Variants in TBK1 observed in about 807,000 individuals in gnomAD.
TBK1 encodes TANK binding kinase 1, also known as serine/threonine-protein kinase TBK1.
In TBK1, 37 loss-of-function variants were observed where a neutral mutation model predicts 99.9. That is an observed-to-expected ratio of 0.37 (90% confidence interval 0.28 to 0.49). The LOEUF (loss-of-function observed/expected upper bound fraction) is 0.49. TBK1 is among the 20% of genes least tolerant of loss of function. The pLI is 0.98. For missense variants in TBK1, 644 were observed against 872.5 expected (o/e 0.74, Z 3.30); for synonymous variants, 258 against 279.8 (o/e 0.92, Z 0.78).
chr12:64,485,507 G>A lies in TBK1; in HGVS notation c.1242G>A (p.Met414Ile), dbSNP rs768100189. ...PRYDLDGDAS[M>I]AKAITGVVCY... ...ATGATTTAGACGGGGATGCTAGCAT[G>A]GCTAAGGTTAGTATTTAATTTAATT... is the stretch of plus-strand genomic sequence containing the variant. Residue 414 changes from methionine to isoleucine, a missense_variant, in exon 10 of 21, where the codon ATG (methionine) becomes ATA (isoleucine). Transcript: ENST00000331710. The A allele has an allele frequency of 1.3e-6, 2 of 1,537,524 alleles. No homozygotes were observed. Among genetic ancestry groups the A allele is most frequent in the South Asian group, 1.2e-5 (1 of 84,152 alleles).
rs71092972 is a variant in TBK1, at chr12:64,497,621, C to CTT, written c.1960-12_1960-11dup. ...TCTGTGATTAATGTGGGGTTTTTTT[C>CTT]TTTTTTTTTTTTTTTTGATGTTTCA... On this transcript the variant is annotated intron_variant, in intron 18 of 20. Coordinates refer to ENST00000331710, the MANE Select transcript of TBK1 (RefSeq NM_013254.4). The CTT allele has an allele frequency of 0.029, 29,868 of 1,019,222 alleles. 38 individuals carry two copies. Among genetic ancestry groups the CTT allele is most frequent in the Non-Finnish European group, 0.032 (23,381 of 725,450 alleles). The allele number at this position is 1,019,222 out of a possible 1,614,324, so 63.1% of individuals were successfully genotyped here.
chr12:64,457,329 T>A (rs1472873767), intron 2 of TBK1, among the ~76,000 whole-genome samples: 1 of 152,188 alleles, frequency 6.6e-6, no homozygotes, highest in Non-Finnish European at 1.5e-5. Flanking sequence ...TCTAGAATTA[T>A]CCACAAGCTC....
chr12:64,473,592 A>T (rs528607549), intron 5 of TBK1, among the ~76,000 whole-genome samples: 1 of 152,326 alleles, frequency 6.6e-6, no homozygotes, highest in South Asian at 2.1e-4. Flanking sequence ...GGCCATGTAT[A>T]GGTGCAGTTC....
intron 5 of TBK1, among the ~76,000 whole-genome samples, chr12:64,473,520 A>G (rs932649949): frequency 3.3e-5 from 5 of 152,240 alleles, no homozygotes; most frequent in African/African-American, 9.6e-5. Context: ...GATAATTACA[A>G]GAATTGATTT....
chr12:64,490,674 A>G (rs2040860889), intron 13 of TBK1, among the ~76,000 whole-genome samples: 2 of 152,184 alleles, frequency 1.3e-5, no homozygotes, highest in Non-Finnish European at 2.9e-5. Flanking sequence ...GCGGTGGCTC[A>G]TGCCTGTAAT....
rs1041851426 is a variant in TBK1, at chr12:64,495,955, A to G, written c.1720+180A>G. 6 of 553,108 alleles carry G rather than the reference A, an allele frequency of 1.1e-5. No homozygotes were observed. In the African/African-American group the frequency reaches 1.2e-4, roughly 11 times the overall value. 34.3% of individuals were successfully genotyped at this position (553,108 alleles called of 1,614,324 possible). ...AAAAAAAAAAAAAACTATCCTTAAA[A>G]TCAACCTTTTGAATACTTTAAATCA... On this transcript the variant is annotated intron_variant, in intron 15 of 20. Transcript: ENST00000331710.
In TBK1 at chr12:64,485,445, C is replaced by A. The variant is rs1485314188; in HGVS notation, c.1190-10C>A. On this transcript the variant is annotated splice_polypyrimidine_tract_variant and intron_variant, in intron 9 of 20. Coordinates refer to ENST00000331710, the MANE Select transcript of TBK1 (RefSeq NM_013254.4). ...TTTTCTTTCTCATTTTATTTTACTT[C>A]ATATTTCAGTTTCCCTCCCTAAAGT... is the stretch of plus-strand genomic sequence containing the variant. The A allele has an allele frequency of 2.0e-6, 3 of 1,464,732 alleles. No homozygotes were observed. The highest frequency in any genetic ancestry group is 1.9e-5 in the Admixed American group (1 of 52,858). The allele number at this position is 1,464,732 out of a possible 1,614,324, so 90.7% of individuals were successfully genotyped here.
intron 6 of TBK1, among the ~76,000 whole-genome samples, chr12:64,479,440 A>G (rs961415363): frequency 5.3e-5 from 8 of 152,308 alleles, no homozygotes; most frequent in Non-Finnish European, 7.4e-5. Flanking sequence ...GGTTTGTTCT[A>G]TTTTTTAAAA....
At chr12:64,461,569 A>G (rs531679373) in intron 3 of TBK1, among the ~76,000 whole-genome samples, 72 of 152,356 alleles carry the variant, frequency 4.7e-4, no homozygotes, top group African/African-American at 1.7e-3. Context: ...AATAAATTAG[A>G]ATGTGTGGCA....
intron 2 of TBK1, among the ~76,000 whole-genome samples, chr12:64,457,116 G>A (rs912709081): frequency 1.1e-4 from 16 of 152,126 alleles, no homozygotes; most frequent in African/African-American, 3.6e-4. Flanking sequence ...GGCCCTAAAC[G>A]TTTTAGTAGA....
intron 6 of TBK1, 139 bp from the exon 7 acceptor site, chr12:64,479,873 T>C (rs1049943417): frequency 3.8e-5 from 21 of 548,880 alleles, no homozygotes; most frequent in Non-Finnish European, 5.8e-5. Context: ...GATTGTTTTA[T>C]GGATCCTGTG....
At chr12:64,467,137 A>C in intron 5 of TBK1, 55 bp downstream of exon 5, 2 of 1,354,556 alleles carry the variant, frequency 1.5e-6, no homozygotes, top group South Asian at 3.6e-5. Flanking sequence ...TATTGTAATT[A>C]TAATTGGGTA....
At chr12:64,453,668 C>CT (rs2040453936) in intron 1 of TBK1, among the ~76,000 whole-genome samples, 1 of 152,112 alleles carries the variant, frequency 6.6e-6, no homozygotes, top group Non-Finnish European at 1.5e-5. Context: ...CTACTTTTTG[C>CT]TTTAACTTAC....
chr12:64,484,161 C>T, intron 8 of TBK1, 142 bp from the exon 9 acceptor site: 1 of 588,022 alleles, frequency 1.7e-6, no homozygotes, highest in Non-Finnish European at 3.0e-6. Flanking sequence ...TTGTAGTATC[C>T]ACATTAACAA....
At chr12:64,461,087 A>G (rs1030558167) in intron 3 of TBK1, among the ~76,000 whole-genome samples, 1 of 151,944 alleles carries the variant, frequency 6.6e-6, no homozygotes, top group Non-Finnish European at 1.5e-5. Flanking sequence ...CTCAAAAAAA[A>G]AAAGAAAGAA....
Position 64,501,330 on chromosome 12 carries a change from G to A in TBK1, c.2139G>A (p.Arg713=). 1 of 1,613,752 alleles carries A rather than the reference G, an allele frequency of 6.2e-7. No homozygotes were observed. Among genetic ancestry groups the A allele is most frequent in the Non-Finnish European group, 8.5e-7 (1 of 1,179,900 alleles). ...TTTTTTCTTTGTGTGTGTGTTTTAG[G>A]TTTGGCTCTTTAACCATGGATGGTG... ...ELAENNHILE[R]FGSLTMDGGL... Residue 713 remains arginine (R), a splice_region_variant and synonymous_variant, in exon 21 of 21, where the codon AGG becomes AGA. Coordinates refer to ENST00000331710, the MANE Select transcript of TBK1 (RefSeq NM_013254.4).
At chr12:64,467,390 A>G (rs1313769249) in intron 5 of TBK1, among the ~76,000 whole-genome samples, 1 of 152,124 alleles carries the variant, frequency 6.6e-6, no homozygotes, top group Non-Finnish European at 1.5e-5. Flanking sequence ...TTGTTATAAT[A>G]CTGTTTTTTA....
rs369620088 is a variant in TBK1 at position 64,481,973 on chromosome 12, C to T, written c.944C>T (p.Ser315Leu). ...ILHRMVIHVF[S>L]LQQMTAHKIY... The stretch of plus-strand genomic sequence containing the variant: ...CACCGAATGGTAATTCATGTTTTTT[C>T]GCTACAACAAATGACAGCTCATAAG... Residue 315 changes from serine (S) to leucine (L), a missense_variant, in exon 8 of 21, where the codon TCG (serine) becomes TTG (leucine). This residue lies in a region of TBK1 where 465 missense variants were observed against 588.0 expected (regional missense o/e 0.79). Transcript: ENST00000331710. 9 of 1,606,284 alleles carry T rather than the reference C, an allele frequency of 5.6e-6. No homozygotes were observed. Among genetic ancestry groups the T allele is most frequent in the South Asian group, 1.1e-5 (1 of 90,142 alleles).
intron 3 of TBK1, 131 bp from the exon 4 acceptor site, chr12:64,464,203 G>A: frequency 1.6e-6 from 1 of 640,366 alleles, no homozygotes; most frequent in South Asian, 2.1e-5. Context: ...AACAGATACT[G>A]AATCTCAGGT....
Sources: allele counts gnomAD v4.1 joint callset (sites outside exome capture counted in the v4.1 genomes callset), GRCh38; gene constraint gnomAD v4.1.1; regional missense constraint gnomAD v4.1.1; transcripts MANE v1.5; gene names NCBI Gene and HGNC (gene_info 2026-07-23, HGNC 2026-07-21).